Variants in MRTFB observed in about 807,000 individuals in gnomAD.
MRTFB encodes the protein myocardin related transcription factor B, also known as myocardin-related transcription factor B.
A neutral mutation model predicts 104.2 loss-of-function variants in MRTFB; 29 were observed. That is an observed-to-expected ratio of 0.28 (90% CI 0.21 to 0.38). The LOEUF is 0.38. MRTFB is among the 10% of genes least tolerant of loss of function. MRTFB has a pLI of 1.00. For missense variants in MRTFB, 1,270 were observed against 1,341.6 expected, an observed-to-expected ratio of 0.95 and a Z score of 0.83; for synonymous variants, 535 against 519.5, an observed-to-expected ratio of 1.03 and a Z score of -0.41.
At chr16:14,054,916 CA>C in the MRTFB span, among the ~76,000 whole-genome samples, 1 of 152,196 alleles carries the variant, frequency 6.6e-6, no homozygotes, top group East Asian at 1.9e-4. Context: ...CATTAAAAAG[CA>C]AAAAACCTTT....
the MRTFB span, among the ~76,000 whole-genome samples, chr16:14,003,740 C>A: frequency 6.7e-6 from 1 of 149,804 alleles, no homozygotes; most frequent in Non-Finnish European, 1.5e-5. Flanking sequence ...ATAGCCTTTG[C>A]CTGGAGACTA....
chr16:14,032,154 G>C, the MRTFB span, among the ~76,000 whole-genome samples: 1 of 152,230 alleles, frequency 6.6e-6, no homozygotes, highest in African/African-American at 2.4e-5. Flanking sequence ...ACAGCGTCAG[G>C]ATGGGGGCTG....
chr16:14,230,236 T>C (rs1278155577), intron 8 of MRTFB, among the ~76,000 whole-genome samples: 1 of 152,110 alleles, frequency 6.6e-6, no homozygotes, highest in Non-Finnish European at 1.5e-5. Flanking sequence ...GGACTTCATG[T>C]CTAAAACACC....
chr16:14,140,841 A>C (rs1308005812), intron 3 of MRTFB, 81 bp downstream of exon 3: 6 of 1,567,898 alleles, frequency 3.8e-6, no homozygotes, highest in Non-Finnish European at 5.2e-6. Context: ...GTTTGGTAGT[A>C]ATATTTTGGT....
At chr16:14,041,263 C>T in the MRTFB span, among the ~76,000 whole-genome samples, 3 of 152,192 alleles carry the variant, frequency 2.0e-5, no homozygotes, top group Admixed American at 6.5e-5. Context: ...GTGAACTATA[C>T]TCACATTGTT....
In MRTFB at chr16:14,247,231, C is replaced by T. The variant is rs1443318494; in HGVS notation, c.1971C>T (p.Ala657=). The part of the protein sequence containing the change: ...CSSSRQPIPV[A]SHAVGQPVST... ...GCTCCAGGCAGCCCATCCCAGTAGCCAGCCACGCTGTAGGCCAGCCCGTCT... is the reference window on the plus strand; with the variant it reads ...GCTCCAGGCAGCCCATCCCAGTAGCTAGCCACGCTGTAGGCCAGCCCGTCT... The change falls in exon 12 of 17, where the codon GCC becomes GCT. Residue 657 remains alanine (A), a synonymous_variant. Coordinates refer to ENST00000571589, the MANE Select transcript of MRTFB (RefSeq NM_001308142.2). 2 of 1,614,196 alleles carry T rather than the reference C, an allele frequency of 1.2e-6. No individual in the cohort carries two copies. Among genetic ancestry groups the T allele is most frequent in the Non-Finnish European group, 8.5e-7 (1 of 1,180,042 alleles).
At chr16:14,004,881 C>G in the MRTFB span, among the ~76,000 whole-genome samples, 1 of 152,244 alleles carries the variant, frequency 6.6e-6, no homozygotes, top group African/African-American at 2.4e-5. Flanking sequence ...CAGCATAGAA[C>G]CAGCTCCCAT....
intron 2 of MRTFB, among the ~76,000 whole-genome samples, chr16:14,082,064 T>C (rs1025946493): frequency 2.0e-5 from 3 of 152,254 alleles, no homozygotes; most frequent in Non-Finnish European, 2.9e-5. Flanking sequence ...ATTTGTCAGT[T>C]TGTGCTTTTA....
the MRTFB span, among the ~76,000 whole-genome samples, chr16:14,011,192 A>T: frequency 6.6e-6 from 1 of 152,250 alleles, no homozygotes; most frequent in Non-Finnish European, 1.5e-5. Context: ...TGATTGACAG[A>T]TTCTGTGGTT....
At chr16:14,080,737 A>G (rs750155386) in intron 2 of MRTFB, among the ~76,000 whole-genome samples, 20 of 152,080 alleles carry the variant, frequency 1.3e-4, no homozygotes, top group Non-Finnish European at 1.9e-4. Flanking sequence ...GATTCCTTAT[A>G]TGAGTAAGAA....
chr16:14,079,451 A>G (rs1476357053), intron 2 of MRTFB, 97 bp downstream of exon 2: 1 of 310,514 alleles, frequency 3.2e-6, no homozygotes, highest in Non-Finnish European at 5.9e-6. Context: ...TCTAACAGGG[A>G]GATTGTTTTA....
intron 8 of MRTFB, among the ~76,000 whole-genome samples, chr16:14,220,511 T>TA (rs2041644952): frequency 6.6e-6 from 1 of 152,238 alleles, no homozygotes; most frequent in Admixed American, 6.5e-5. Context: ...TCCATACTCT[T>TA]AAAACGTGGT....
chr16:14,237,063 T>TGTGAG (rs1220478332), intron 9 of MRTFB, among the ~76,000 whole-genome samples: 1 of 151,902 alleles, frequency 6.6e-6, no homozygotes, highest in African/African-American at 2.4e-5. Context: ...ACACCTGGAG[T>TGTGAG]GTGAGGTGCT....
chr16:14,055,815 A>C, the MRTFB span, among the ~76,000 whole-genome samples: 5 of 152,006 alleles, frequency 3.3e-5, no homozygotes, highest in Non-Finnish European at 7.4e-5. Context: ...GTCATTAATT[A>C]ATCTCTCGGG....
chr16:14,138,238 A>G (rs919634845), intron 2 of MRTFB, among the ~76,000 whole-genome samples: 10 of 152,078 alleles, frequency 6.6e-5, no homozygotes, highest in Non-Finnish European at 1.0e-4. Flanking sequence ...ACTTTGAATG[A>G]TGATAATGTA....
intron 8 of MRTFB, among the ~76,000 whole-genome samples, chr16:14,224,224 TG>T: frequency 6.6e-6 from 1 of 152,258 alleles, no homozygotes; most frequent in East Asian, 1.9e-4. Flanking sequence ...TTCCAACACT[TG>T]GGGATTACAA....
chr16:14,246,560 C>G lies in MRTFB; in HGVS notation c.1300C>G (p.Gln434Glu). Reference sequence around the variant, plus strand: ...CCTCATTGAGCGCCTAAAACCCTACCAGGAAGTGAACAGCAGCGGCCTTGC... The same window carrying G: ...CCTCATTGAGCGCCTAAAACCCTACGAGGAAGTGAACAGCAGCGGCCTTGC... ...PDLIERLKPY[Q>E]EVNSSGLAAG... The change falls in exon 12 of 17, where the codon CAG becomes GAG. Residue 434 changes from glutamine to glutamate, a missense_variant. Transcript: ENST00000571589. 6.2e-7 allele frequency: 1 copy of G among 1,614,162 alleles called. No homozygotes were observed.
chr16:14,147,479 A>C (rs576526726), intron 3 of MRTFB, among the ~76,000 whole-genome samples: 2 of 152,294 alleles, frequency 1.3e-5, no homozygotes, highest in East Asian at 3.9e-4. Flanking sequence ...AGCACCTGTA[A>C]CCCTGTCTGC....
intron 3 of MRTFB, among the ~76,000 whole-genome samples, chr16:14,156,310 C>G (rs570122185): frequency 6.8e-4 from 103 of 152,328 alleles, no homozygotes; most frequent in African/African-American, 2.4e-3. Context: ...CATGCTTCCT[C>G]TCAGTACATA....
Sources: gnomAD v4.1 joint callset for allele counts (sites outside exome capture counted in the v4.1 genomes callset) on GRCh38, gnomAD v4.1.1 for gene constraint, MANE v1.5 for transcripts, NCBI Gene and HGNC (gene_info 2026-07-23, HGNC 2026-07-21) for gene names.